LPAR1: variants seen among roughly 807,000 people sequenced by gnomAD.
LPAR1 encodes LPA receptor 1.
LPAR1 carries 5 observed loss-of-function variants against 23.8 expected under a neutral mutation model. That is an observed-to-expected ratio of 0.21 (90% confidence interval 0.11 to 0.44). The LOEUF (loss-of-function observed/expected upper bound fraction) is 0.44. Among genes scored for constraint, LPAR1 ranks in the 20% least tolerant of loss-of-function variants. The pLI is 0.99. For synonymous variants in LPAR1, 160 were observed against 164.7 expected, an observed-to-expected ratio of 0.97 and a Z score of 0.22; for missense variants, 311 against 482.8, an observed-to-expected ratio of 0.64 and a Z score of 3.33.
chr9:110,884,379 T>G (rs2081774243), intron 5 of LPAR1, among the ~76,000 whole-genome samples: 1 of 151,960 alleles, frequency 6.6e-6, no homozygotes, highest in Non-Finnish European at 1.5e-5. Flanking sequence ...TATAAAACAC[T>G]CCATGGTAGA....
chr9:110,918,046 G>A (rs776893633), intron 5 of LPAR1, among the ~76,000 whole-genome samples: 6 of 152,028 alleles, frequency 3.9e-5, no homozygotes, highest in Non-Finnish European at 7.4e-5. Context: ...GGGACAAGAG[G>A]CATGCACCAC....
intron 5 of LPAR1, among the ~76,000 whole-genome samples, chr9:110,923,844 C>G (rs191523302): frequency 6.6e-6 from 1 of 152,258 alleles, no homozygotes; most frequent in African/African-American, 2.4e-5. Flanking sequence ...ACCACGCTGT[C>G]TTTTTCAGCT....
At chr9:110,920,560 C>CT (rs2093555915) in intron 5 of LPAR1, among the ~76,000 whole-genome samples, 1 of 152,064 alleles carries the variant, frequency 6.6e-6, no homozygotes, top group Admixed American at 6.6e-5. Context: ...TCTTCTTTTC[C>CT]TTTTTTTCTT....
At chr9:111,005,151 C>CAAAA (rs71371700) in intron 2 of LPAR1, among the ~76,000 whole-genome samples, 10 of 74,286 alleles carry the variant, frequency 1.3e-4, no homozygotes, top group African/African-American at 5.3e-4. Flanking sequence ...GACAAAGTCT[C>CAAAA]AAAAAAAAAA....
chr9:110,968,918 G>A (rs915148860), intron 4 of LPAR1, among the ~76,000 whole-genome samples: 5 of 151,986 alleles, frequency 3.3e-5, no homozygotes, highest in East Asian at 1.9e-4. Flanking sequence ...TGCTCATTCC[G>A]TGGGTAAGGA....
intron 2 of LPAR1, among the ~76,000 whole-genome samples, chr9:111,020,489 T>A (rs2097541325): frequency 6.6e-6 from 1 of 152,162 alleles, no homozygotes; most frequent in South Asian, 2.1e-4. Context: ...ACTCTGAAAA[T>A]AAATTTCTCC....
At chr9:110,957,799 C>T (rs1372507819) in intron 4 of LPAR1, among the ~76,000 whole-genome samples, 4 of 152,026 alleles carry the variant, frequency 2.6e-5, no homozygotes, top group Admixed American at 2.6e-4. Context: ...CAAATTGCCC[C>T]CCTTTGCAGA....
At chr9:111,004,847 C>T (rs2097185589) in intron 2 of LPAR1, among the ~76,000 whole-genome samples, 1 of 152,190 alleles carries the variant, frequency 6.6e-6, no homozygotes, top group Admixed American at 6.5e-5. Flanking sequence ...TGTAGTCCAA[C>T]ATTCCAACTT....
chr9:111,012,944 C>T (rs1234760387), intron 2 of LPAR1, among the ~76,000 whole-genome samples: 1 of 152,118 alleles, frequency 6.6e-6, no homozygotes. Context: ...TAGAATTTCA[C>T]TCTTAAAATT....
chr9:110,914,583 T>A (rs2092852218), intron 5 of LPAR1, among the ~76,000 whole-genome samples: 1 of 152,182 alleles, frequency 6.6e-6, no homozygotes, highest in Admixed American at 6.5e-5. Flanking sequence ...ACTATATCAG[T>A]CTTTAATAAA....
In LPAR1 at chr9:110,972,037, G is replaced by A. The variant is rs112780397; in HGVS notation, c.45+36C>T. ...CAGTTTAAATATTTGACAAACTTAC[G>A]ATTACCTCAGACCTCTGCTAGTTTG... On this transcript the variant is annotated intron_variant, in intron 4 of 5. Coordinates refer to ENST00000683809, the MANE Select transcript of LPAR1 (RefSeq NM_001351411.2). The A allele has an allele frequency of 1.0e-3, 1,585 of 1,586,240 alleles. 13 individuals are homozygous for A. The African/African-American group carries it at 0.015, about 15-fold the overall frequency.
intron 5 of LPAR1, among the ~76,000 whole-genome samples, chr9:110,910,124 A>T (rs1344292077): frequency 6.6e-6 from 1 of 152,108 alleles, no homozygotes; most frequent in African/African-American, 2.4e-5. Context: ...TCCACCTAAG[A>T]CTTTCATAGC....
intron 5 of LPAR1, among the ~76,000 whole-genome samples, chr9:110,918,988 G>C (rs563479687): frequency 6.6e-6 from 1 of 151,962 alleles, no homozygotes; most frequent in Non-Finnish European, 1.5e-5. Context: ...CCTTCCCCTG[G>C]TGTGTGAGCA....
chr9:111,014,284 C>T (rs112948755), intron 2 of LPAR1, among the ~76,000 whole-genome samples: 1,949 of 152,226 alleles, frequency 0.013, 46 homozygotes, highest in African/African-American at 0.044. Flanking sequence ...TTAATGAATG[C>T]ATTCTAATCT....
At chr9:110,965,002 CT>C (rs1282234840) in intron 4 of LPAR1, among the ~76,000 whole-genome samples, 2 of 152,014 alleles carry the variant, frequency 1.3e-5, no homozygotes, top group African/African-American at 4.8e-5. Flanking sequence ...TCCTGAGTAG[CT>C]GAGATTACAG....
rs2097889645 is a variant in LPAR1, at chr9:111,036,176, C to G, written c.-236G>C. 6.6e-6 allele frequency: 1 copy of G among 152,158 alleles called. No homozygotes were observed. The allele number at this position is 152,158 out of a possible 1,614,324, so 9.4% of individuals were successfully genotyped here. On this transcript the variant is annotated 5_prime_UTR_variant, in exon 2 of 6. Coordinates refer to ENST00000683809, the MANE Select transcript of LPAR1 (RefSeq NM_001351411.2). ...GGAGACTGAAATCCATGCTGAGTGCCCACAGACCTGGGCAGGAGCTGTTCC... is the reference window on the plus strand; with the variant it reads ...GGAGACTGAAATCCATGCTGAGTGCGCACAGACCTGGGCAGGAGCTGTTCC...
intron 2 of LPAR1, among the ~76,000 whole-genome samples, chr9:111,015,270 C>G (rs1226971582): frequency 6.6e-6 from 1 of 152,134 alleles, no homozygotes; most frequent in Non-Finnish European, 1.5e-5. Flanking sequence ...TTACTCTCTC[C>G]TACTTCGTCT....
chr9:110,936,705 C>T (rs1305059356), intron 5 of LPAR1, among the ~76,000 whole-genome samples: 1 of 152,162 alleles, frequency 6.6e-6, no homozygotes, highest in African/African-American at 2.4e-5. Flanking sequence ...CCCTCTTCTT[C>T]CCCAAAGAGG....
At chr9:110,920,349 A>G (rs971731646) in intron 5 of LPAR1, among the ~76,000 whole-genome samples, 1 of 152,234 alleles carries the variant, frequency 6.6e-6, no homozygotes, top group African/African-American at 2.4e-5. Context: ...AGTGATGAAT[A>G]CAATGCTTTG....
Sources: allele counts gnomAD v4.1 joint callset (sites outside exome capture counted in the v4.1 genomes callset), GRCh38; gene constraint gnomAD v4.1.1; transcripts MANE v1.5; gene names NCBI Gene and HGNC (gene_info 2026-07-23, HGNC 2026-07-21).